Variants in SLC60A1 observed in about 807,000 individuals in gnomAD.
The protein encoded by SLC60A1 is solute carrier family 60 member 1, also known as major facilitator superfamily domain containing 4.
At chr1:205,578,752 C>T in the SLC60A1 span, among the ~76,000 whole-genome samples, 1 of 152,090 alleles carries the variant, frequency 6.6e-6, no homozygotes, top group Non-Finnish European at 1.5e-5. Context: ...CAGCTCCCAC[C>T]TTTCCAGGTC....
At chr1:205,595,271 T>C in the SLC60A1 span, 1,605 of 152,428 alleles carry the variant, frequency 0.011, 33 homozygotes, top group African/African-American at 0.036. Flanking sequence ...TGCTATTCCC[T>C]GATGGCACAA....
the SLC60A1 span, chr1:205,601,123 C>T: frequency 6.6e-6 from 1 of 152,144 alleles, no homozygotes; most frequent in Non-Finnish European, 1.5e-5. Context: ...TAAATGCAGC[C>T]ATTATTAAAA....
chr1:205,596,578 A>AAAAG, the SLC60A1 span, among the ~76,000 whole-genome samples: 1 of 137,842 alleles, frequency 7.3e-6, no homozygotes, highest in Non-Finnish European at 1.5e-5. Flanking sequence ...AAAAAAAAAA[A>AAAAG]GATGAATGAT....
At chr1:205,600,537 G>A in the SLC60A1 span, 3 of 1,501,558 alleles carry the variant, frequency 2.0e-6, no homozygotes, top group Non-Finnish European at 2.8e-6. Flanking sequence ...AGAAAGCTGG[G>A]TGGTGGTGGA....
the SLC60A1 span, chr1:205,569,214 T>C: frequency 6.4e-7 from 1 of 1,559,682 alleles, no homozygotes; most frequent in East Asian, 2.4e-5. Context: ...GACGCACAGC[T>C]CGCTGCCCCA....
the SLC60A1 span, chr1:205,597,656 A>G: frequency 1.1e-4 from 97 of 916,376 alleles, no homozygotes; most frequent in East Asian, 1.4e-3. Context: ...TCTGACTCCT[A>G]AAGTACTGGG....
chr1:205,570,394 G>A, the SLC60A1 span, among the ~76,000 whole-genome samples: 1 of 151,488 alleles, frequency 6.6e-6, no homozygotes, highest in Non-Finnish European at 1.5e-5. Context: ...AAAAACCGCA[G>A]TTGGGCTATC....
the SLC60A1 span, among the ~76,000 whole-genome samples, chr1:205,593,420 C>A: frequency 7.4e-3 from 131 of 17,682 alleles, no homozygotes; most frequent in Non-Finnish European, 9.1e-3. Context: ...GCAGTGAGCA[C>A]TCCAGCCTGG....
chr1:205,585,012 G>A, the SLC60A1 span: 117 of 1,597,352 alleles, frequency 7.3e-5, no homozygotes, highest in Middle Eastern at 1.7e-4. The surrounding 1 kb of genome is among the most constrained non-coding windows in gnomAD (Gnocchi z 4.2). Flanking sequence ...CTCAGAGGGC[G>A]CCCCCTACTG....
At chr1:205,577,763 C>G in the SLC60A1 span, among the ~76,000 whole-genome samples, 1 of 152,178 alleles carries the variant, frequency 6.6e-6, no homozygotes, top group Non-Finnish European at 1.5e-5. This position sits in a 1 kb window ranked among gnomAD's most constrained non-coding sequence, Gnocchi z 5.2. Flanking sequence ...ACACACTCCT[C>G]CCTGGAAAAG....
chr1:205,579,931 C>T, the SLC60A1 span: 6,435 of 1,613,488 alleles, frequency 4.0e-3, 205 homozygotes, highest in African/African-American at 0.071. Context: ...ACCAGAAGGA[C>T]TCGGCCGTCT....
the SLC60A1 span, among the ~76,000 whole-genome samples, chr1:205,592,873 G>A: frequency 1.3e-5 from 2 of 152,208 alleles, no homozygotes; most frequent in Admixed American, 1.3e-4. Context: ...AAGCAAAGAT[G>A]CACAGGAGAA....
At chr1:205,592,347 T>A in the SLC60A1 span, 1 of 1,494,014 alleles carries the variant, frequency 6.7e-7, no homozygotes, top group Non-Finnish European at 9.0e-7. Context: ...GCCGCCTCGC[T>A]CTGCCCTGTC....
the SLC60A1 span, among the ~76,000 whole-genome samples, chr1:205,599,455 T>C: frequency 6.6e-6 from 1 of 152,194 alleles, no homozygotes; most frequent in Admixed American, 6.5e-5. Flanking sequence ...ACTCTTAAGA[T>C]AGGCGAGAGC....
the SLC60A1 span, among the ~76,000 whole-genome samples, chr1:205,592,854 T>C: frequency 6.6e-6 from 1 of 152,190 alleles, no homozygotes; most frequent in Non-Finnish European, 1.5e-5. Flanking sequence ...AAATGCCAAG[T>C]TCAAAGAAAA....
At chr1:205,591,500 AAAGGAAAG>A in the SLC60A1 span, among the ~76,000 whole-genome samples, 42 of 133,640 alleles carry the variant, frequency 3.1e-4, no homozygotes, top group African/African-American at 1.0e-3. Flanking sequence ...AAAAAAAAAA[AAAGGAAAG>A]AAAAGAAAGA....
At chr1:205,596,720 A>G in the SLC60A1 span, among the ~76,000 whole-genome samples, 10 of 152,064 alleles carry the variant, frequency 6.6e-5, no homozygotes, top group Admixed American at 4.6e-4. Flanking sequence ...GCAGAGTCTA[A>G]AGGGCTCTGC....
chr1:205,569,494 C>CCCT, the SLC60A1 span, among the ~76,000 whole-genome samples: 1 of 148,326 alleles, frequency 6.7e-6, no homozygotes, highest in African/African-American at 2.5e-5. Context: ...CTCCCTCCCT[C>CCCT]CCCCGCAGCT....
chr1:205,578,526 CAAGAAAG>C, the SLC60A1 span, among the ~76,000 whole-genome samples: 2 of 152,232 alleles, frequency 1.3e-5, no homozygotes, highest in Middle Eastern at 3.4e-3. Context: ...AGCCTGGAAA[CAAGAAAG>C]GAGAAAGTAA....
Sources: gnomAD v4.1 joint callset for allele counts (sites outside exome capture counted in the v4.1 genomes callset) on GRCh38, gnomAD v4.1.1 for gene constraint, Gnocchi (gnomAD v3.1) non-coding constraint, MANE v1.5 for transcripts, NCBI Gene and HGNC (gene_info 2026-07-23, HGNC 2026-07-21) for gene names.